PKD1: variants seen among roughly 807,000 people sequenced by gnomAD.
The protein encoded by PKD1 is polycystin-1.
Under a neutral mutation model 361.7 loss-of-function variants are expected in PKD1, and 81 were observed. The ratio of observed to expected loss-of-function variants is 0.22; its 90% CI spans 0.19 to 0.27. The LOEUF is 0.27. Ranked by LOEUF, PKD1 falls within the 10% of genes least tolerant of loss-of-function variation. The pLI, the probability that PKD1 is intolerant of heterozygous loss-of-function variation, is 1.00. For missense variants in PKD1, 6,399 were observed against 6,118.3 expected (o/e 1.05, Z -1.53); for synonymous variants, 3,615 against 2,818.3 (o/e 1.28, Z -8.95).
intron 12 of PKD1, 88 bp from the exon 13 acceptor site, chr16:2,113,051 G>T: frequency 2.1e-6 from 3 of 1,398,394 alleles, no homozygotes; most frequent in Non-Finnish European, 3.0e-6. Flanking sequence ...CCACAGCCAT[G>T]GCAGCGTCCT....
At position 2,101,665 on chromosome 16, in the gene PKD1, C is replaced by T. The variant is rs187577682; in HGVS notation, c.9397+396G>A. Among the ~76,000 whole-genome samples, 13 of 152,372 alleles carry T rather than the reference C, an allele frequency of 8.5e-5. No homozygotes were observed. In the East Asian group the frequency reaches 1.9e-3, roughly 23 times the overall value. ...AAAAGGGAATGCCAGAAGGGCAATTCCAATGAAAGGAAAATGGAGGTACTG... is the reference window on the plus strand; with the variant it reads ...AAAAGGGAATGCCAGAAGGGCAATTTCAATGAAAGGAAAATGGAGGTACTG... On this transcript the variant is annotated intron_variant, in intron 26 of 45. Coordinates refer to ENST00000262304, the MANE Select transcript of PKD1 (RefSeq NM_001009944.3).
At chr16:2,129,575 G>A (rs2092843842) in intron 1 of PKD1, among the ~76,000 whole-genome samples, 1 of 132,246 alleles carries the variant, frequency 7.6e-6, no homozygotes, top group South Asian at 2.4e-4. Flanking sequence ...TTTTGAGACA[G>A]GGTCTTGCTC....
chr16:2,123,585 C>G, intron 1 of PKD1: 1 of 452,514 alleles, frequency 2.2e-6, no homozygotes. Flanking sequence ...CTCGGGCTTC[C>G]TCTGCACCCG....
rs1567175152 is a variant in PKD1, at chr16:2,102,645, A to G, written c.8949-12T>C. On this transcript the variant is annotated splice_polypyrimidine_tract_variant and intron_variant, in intron 24 of 45. Transcript: ENST00000262304. ...CTGGGTCTCTGCTCCTGGGCAGGGA[A>G]GGGGTAGCGGACGTGAGCCCAGGCT... 1 of 1,610,872 alleles carries G rather than the reference A, an allele frequency of 6.2e-7. No individual in the cohort carries two copies. The highest frequency in any genetic ancestry group is 2.2e-5 in the East Asian group (1 of 44,886).
Position 2,092,101 on chromosome 16 carries a change from T to C in PKD1, c.11357A>G (p.Glu3786Gly), listed in dbSNP as rs1474643976. 4 of 1,612,740 alleles carry C rather than the reference T, an allele frequency of 2.5e-6. No individual in the cohort carries two copies. The highest frequency in any genetic ancestry group is 1.7e-5 in the Admixed American group (1 of 59,998). ...CGTCCCCGAGCCATTGTGAGGACTC[T>C]CCCAGCCAACGTCGTAATCGCTGGT... The part of the protein sequence containing the change: ...FSTSDYDVGW[E>G]SPHNGSGTWA... Residue 3786 changes from glutamate (E) to glycine (G), a missense_variant, in exon 40 of 46, where the codon GAG (glutamate) becomes GGG (glycine). Transcript: ENST00000262304.
intron 11 of PKD1, 200 bp downstream of exon 11, chr16:2,113,970 A>T (rs2369064): frequency 3.3e-6 from 2 of 602,890 alleles, no homozygotes; most frequent in Non-Finnish European, 2.9e-6. Context: ...TAGCGGAGCC[A>T]CTGTCAGAGC....
In PKD1 at chr16:2,106,540, C is replaced by A. The variant is rs371780418; in HGVS notation, c.7347G>T (p.Thr2449=). The change falls in exon 18 of 46, where the codon ACG becomes ACT. Residue 2449 remains threonine, a synonymous_variant. Coordinates refer to ENST00000262304, the MANE Select transcript of PKD1 (RefSeq NM_001009944.3). This position sits in a 1 kb window ranked among gnomAD's most constrained non-coding sequence, Gnocchi z 6.5. ...CCTCCTCGCCAGAGCGGCCCAGCAC[C>A]GTGAGCGTGAAGGTGTATCCCTCGC... ...RDGEGYTFTL[T]VLGRSGEEEG... is the part of the protein sequence containing the mutation. The A allele has an allele frequency of 1.3e-6, 2 of 1,596,474 alleles. No homozygotes were observed. Among genetic ancestry groups the A allele is most frequent in the Non-Finnish European group, 1.7e-6 (2 of 1,179,146 alleles).
In PKD1 at chr16:2,090,018, C is replaced by G; in HGVS notation, c.12621G>C (p.Arg4207Ser). Residue 4207 changes from arginine to serine, a missense_variant, in exon 46 of 46, where the codon AGG becomes AGC. By Grantham distance (110) the Arg-to-Ser change is moderately radical (BLOSUM62 -1). Coordinates refer to ENST00000262304, the MANE Select transcript of PKD1 (RefSeq NM_001009944.3). ...LSVSLGRLGT[R>S]CEPEPSRLQA... ...GGAGGCGGGAGGGCTCAGGCTCACA[C>G]CTTGTCCCCAGCCGGCCCAGGCTCA... is the stretch of plus-strand genomic sequence containing the variant. 6.2e-7 allele frequency: 1 copy of G among 1,610,402 alleles called. No homozygotes were observed.
At position 2,112,858 on chromosome 16, in the gene PKD1, G is replaced by C. The variant is rs2092554956; in HGVS notation, c.3091C>G (p.Leu1031Val). 1 of 1,605,820 alleles carries C rather than the reference G, an allele frequency of 6.2e-7. No individual in the cohort carries two copies. The highest frequency in any genetic ancestry group is 8.5e-7 in the Non-Finnish European group (1 of 1,179,656). Reference protein sequence around the residue: ...GLQVSTVPAVLSPNATLALTA... With the variant: ...GLQVSTVPAVVSPNATLALTA... ...AGTGCTAGCGTGGCATTGGGGGACAGCACGGCCGGCACTGTGGAGACCTGC... is the reference window on the plus strand; with the variant it reads ...AGTGCTAGCGTGGCATTGGGGGACACCACGGCCGGCACTGTGGAGACCTGC... The change falls in exon 13 of 46, where the codon CTG (leucine) becomes GTG (valine). Residue 1031 changes from leucine to valine, a missense_variant. Physicochemically the swap from Leu to Val is conservative, Grantham distance 32 (BLOSUM62 1). Transcript: ENST00000262304.
rs2887404 is a variant in PKD1 at position 2,107,277 on chromosome 16, C to T, written c.7066-329G>A. The stretch of plus-strand genomic sequence containing the variant: ...GTATGTGTGGGTGTGAGGACCGCAG[C>T]TGCCACGTAGGCCTGACTCACAGAC... On this transcript the variant is annotated intron_variant, in intron 16 of 45. Transcript: ENST00000262304. 7.0e-4 allele frequency: 294 copies of T among 418,822 alleles called. 1 individual carries two copies. The highest frequency in any genetic ancestry group is 1.5e-3 in the Middle Eastern group (2 of 1,296). 25.9% of individuals were successfully genotyped at this position (418,822 alleles called of 1,614,324 possible).
intron 44 of PKD1, 30 bp from the exon 45 acceptor site, chr16:2,090,620 T>TA (rs1386329034): frequency 1.9e-6 from 3 of 1,609,044 alleles, no homozygotes; most frequent in Non-Finnish European, 2.5e-6. Context: ...AGTGAGGGCG[T>TA]ACAGCTGAGC....
At position 2,110,204 on chromosome 16, in the gene PKD1, C is replaced by G; in HGVS notation, c.4963G>C (p.Val1655Leu). 6.2e-7 allele frequency: 1 copy of G among 1,611,710 alleles called. No individual in the cohort carries two copies. Among genetic ancestry groups the G allele is most frequent in the Non-Finnish European group, 8.5e-7 (1 of 1,179,798 alleles). ...PTNHTVQLQA[V>L]VRDGTNVSYS... The stretch of plus-strand genomic sequence containing the variant: ...GAGACGTTGGTGCCATCCCTAACCA[C>G]GGCCTGCAGCTGTACCGTGTGGTTG... The change falls in exon 15 of 46, where the codon GTG becomes CTG. Residue 1655 changes from valine to leucine, a missense_variant. By Grantham distance (32) the Val-to-Leu change is conservative. Coordinates refer to ENST00000262304, the MANE Select transcript of PKD1 (RefSeq NM_001009944.3).
At position 2,112,304 on chromosome 16, in the gene PKD1, G is replaced by T. The variant is rs781189343; in HGVS notation, c.3295+36C>A. The T allele has an allele frequency of 2.7e-5, 43 of 1,566,218 alleles. No individual in the cohort carries two copies. The South Asian group carries it at 4.7e-4, about 17-fold the overall frequency. On this transcript the variant is annotated intron_variant, in intron 14 of 45. Coordinates refer to ENST00000262304, the MANE Select transcript of PKD1 (RefSeq NM_001009944.3). ...TGGGGGGACCCCGTGCTCAGAGCCT[G>T]AAAGGCAGTGGCCCCCTCACCCCCT...
chr16:2,104,746 G>A (rs1412591648), intron 21 of PKD1, 104 bp from the exon 22 acceptor site: 4 of 770,142 alleles, frequency 5.2e-6, no homozygotes, highest in East Asian at 5.5e-5. Context: ...CAGCCCTGCA[G>A]CTGGAGAGCC....
intron 1 of PKD1, among the ~76,000 whole-genome samples, chr16:2,130,185 C>T (rs1013533183): frequency 4.6e-5 from 7 of 152,238 alleles, no homozygotes; most frequent in Non-Finnish European, 8.8e-5. Context: ...GCGGGAGCCA[C>T]GTAAGACCCG....
Position 2,108,621 on chromosome 16 carries a change from C to T in PKD1, c.6546G>A (p.Gln2182=). ...HVDLRDCVTY[Q]TEYRWEVYRT... ...GATACACCTCCCAGCGGTACTCAGT[C>T]TGGTAGGTGACGCAGTCGCGCAGGT... Residue 2182 remains glutamine (Q), a synonymous_variant, in exon 15 of 46, where the codon CAG becomes CAA. Coordinates refer to ENST00000262304, the MANE Select transcript of PKD1 (RefSeq NM_001009944.3). 1 of 1,559,988 alleles carries T rather than the reference C, an allele frequency of 6.4e-7. No homozygotes were observed. Among genetic ancestry groups the T allele is most frequent in the Non-Finnish European group, 8.7e-7 (1 of 1,152,888 alleles).
In PKD1 at chr16:2,115,957, GCCCACCACCCACCA is replaced by G. The variant is rs56173969; in HGVS notation, c.1849+21_1849+34del. ...GAGAGGCCACCCCGAGTCCTGCGGC[GCCCACCACCCACCA>G]CCCACCACCCAGAGTCCCACCTGCT... On this transcript the variant is annotated intron_variant, in intron 9 of 45. Transcript: ENST00000262304. 1,746 of 1,506,560 alleles carry G rather than the reference GCCCACCACCCACCA, an allele frequency of 1.2e-3. 3 individuals are homozygous for G. Among genetic ancestry groups the G allele is most frequent in the Non-Finnish European group, 1.4e-3 (1,569 of 1,109,852 alleles). 93.3% of individuals were successfully genotyped at this position (1,506,560 alleles called of 1,614,324 possible).
At position 2,106,241 on chromosome 16, in the gene PKD1, C is replaced by T. The variant is rs781066020; in HGVS notation, c.7553G>A (p.Arg2518His). ...ACAGAACTCCTCGCAGTGGCCCTGGCGACAGCGCCGCAGCAGCAGGGCGTA... is the reference window on the plus strand; with the variant it reads ...ACAGAACTCCTCGCAGTGGCCCTGGTGACAGCGCCGCAGCAGCAGGGCGTA... Reference protein sequence around the residue: ...LVYALLLRRCRQGHCEEFCVY... With the variant: ...LVYALLLRRCHQGHCEEFCVY... The change falls in exon 19 of 46, where the codon CGC (arginine) becomes CAC (histidine). Residue 2518 changes from arginine to histidine, a missense_variant. Coordinates refer to ENST00000262304, the MANE Select transcript of PKD1 (RefSeq NM_001009944.3). The surrounding 1 kb of genome is among the most constrained non-coding windows in gnomAD (Gnocchi z 6.5). The T allele has an allele frequency of 2.3e-5, 37 of 1,610,038 alleles. No homozygotes were observed. Among genetic ancestry groups the T allele is most frequent in the Admixed American group, 1.2e-4 (7 of 59,972 alleles).
Position 2,110,006 on chromosome 16 carries a change from G to A in PKD1, c.5161C>T (p.Leu1721=). Residue 1721 remains leucine (L), a synonymous_variant, in exon 15 of 46, where the codon CTG becomes TTG. Coordinates refer to ENST00000262304, the MANE Select transcript of PKD1 (RefSeq NM_001009944.3). ...TMDFVEPVGW[L]MVAASPNPAA... Reference sequence around the variant, plus strand: ...GGGTTCGGGGAGGCGGCCACCATCAGCCACCCCACAGGCTCCACGAAGTCC... The same window carrying A: ...GGGTTCGGGGAGGCGGCCACCATCAACCACCCCACAGGCTCCACGAAGTCC... 6.2e-7 allele frequency: 1 copy of A among 1,610,282 alleles called. No homozygotes were observed. The highest frequency in any genetic ancestry group is 8.5e-7 in the Non-Finnish European group (1 of 1,179,572).
Sources: allele counts gnomAD v4.1 joint callset (sites outside exome capture counted in the v4.1 genomes callset), GRCh38; gene constraint gnomAD v4.1.1; non-coding constraint Gnocchi (gnomAD v3.1); transcripts MANE v1.5; gene names NCBI Gene and HGNC (gene_info 2026-07-23, HGNC 2026-07-21).